Variants in IFT88 observed in about 807,000 individuals in gnomAD.
IFT88 encodes the protein intraflagellar transport 88, also known as intraflagellar transport protein 88 homolog.
In IFT88, 74 loss-of-function variants were observed where a neutral mutation model predicts 119.5. The observed-to-expected ratio is 0.62, with a 90% CI of 0.51 to 0.75. The LOEUF (loss-of-function observed/expected upper bound fraction) is 0.75, where lower values mean the gene tolerates loss of function less well. IFT88 is among the 30% of genes least tolerant of loss of function. The pLI is 0.00. For missense variants in IFT88, 961 were observed against 977.7 expected (o/e 0.98, Z 0.23); for synonymous variants, 279 against 316.7 (o/e 0.88, Z 1.26).
At chr13:20,578,088 A>C (rs2037796324) in intron 2 of IFT88, among the ~76,000 whole-genome samples, 1 of 117,586 alleles carries the variant, frequency 8.5e-6, no homozygotes, top group African/African-American at 3.3e-5. Context: ...TCTGTAGCCC[A>C]GGCTGGAGTG....
At chr13:20,682,158 A>G (rs1285079585) in intron 24 of IFT88, among the ~76,000 whole-genome samples, 5 of 152,220 alleles carry the variant, frequency 3.3e-5, no homozygotes, top group Admixed American at 2.6e-4. Context: ...GGGTTCTCCC[A>G]TTTCCTACCA....
chr13:20,689,785 G>T (rs1348088308), intron 24 of IFT88, among the ~76,000 whole-genome samples: 1 of 151,990 alleles, frequency 6.6e-6, no homozygotes, highest in Non-Finnish European at 1.5e-5. Flanking sequence ...TATCCCTAGA[G>T]CAATGTTTTT....
chr13:20,625,873 A>T (rs1278712652), intron 15 of IFT88, 24 bp downstream of exon 15: 10 of 1,261,276 alleles, frequency 7.9e-6, no homozygotes, highest in South Asian at 2.6e-5. Context: ...AAAATTTTAG[A>T]TGGAATTCCA....
intron 1 of IFT88, among the ~76,000 whole-genome samples, chr13:20,568,517 T>G (rs1170230669): frequency 6.6e-6 from 1 of 152,222 alleles, no homozygotes; most frequent in Non-Finnish European, 1.5e-5. Context: ...AGTTGCTTCC[T>G]TCTATAACTT....
intron 14 of IFT88, among the ~76,000 whole-genome samples, chr13:20,624,380 G>A (rs2046991200): frequency 2.0e-5 from 3 of 152,018 alleles, no homozygotes; most frequent in East Asian, 1.9e-4. Context: ...TCAGCTATCC[G>A]GAAGCTCCCC....
chr13:20,581,852 CAAAAA>C (rs10555158), intron 2 of IFT88, among the ~76,000 whole-genome samples: 7 of 121,276 alleles, frequency 5.8e-5, no homozygotes, highest in Non-Finnish European at 1.0e-4. Flanking sequence ...AACCCTGTCT[CAAAAA>C]AAAAAAAAAA....
At chr13:20,567,631 G>A in intron 1 of IFT88, 1 of 600,732 alleles carries the variant, frequency 1.7e-6, no homozygotes, top group Non-Finnish European at 2.2e-6. Context: ...GAATCGCACA[G>A]CAGAGATGGT....
intron 2 of IFT88, among the ~76,000 whole-genome samples, chr13:20,576,215 T>C (rs1281147584): frequency 8.1e-6 from 1 of 123,642 alleles, no homozygotes; most frequent in Non-Finnish European, 2.0e-5. Context: ...TTAAATCAGA[T>C]TATTAGATTT....
rs767708122 is a variant in IFT88 at position 20,601,668 on chromosome 13, C to T, written c.813-37C>T. The T allele has an allele frequency of 4.3e-6, 6 of 1,402,362 alleles. No homozygotes were observed. In the South Asian group the frequency reaches 6.2e-5, roughly 14 times the overall value. 86.9% of individuals were successfully genotyped at this position (1,402,362 alleles called of 1,614,324 possible). On this transcript the variant is annotated intron_variant, in intron 11 of 25. Transcript: ENST00000351808. The stretch of plus-strand genomic sequence containing the variant: ...GGTTTGAATGCCATACTAAAGAGTT[C>T]AGAATTTTAAAGCTAATCCATGTCT...
chr13:20,594,407 G>A (rs1056988863), intron 7 of IFT88, among the ~76,000 whole-genome samples: 12 of 152,264 alleles, frequency 7.9e-5, no homozygotes, highest in Admixed American at 3.9e-4. Flanking sequence ...TCAAATGCTC[G>A]TGGCTGAACC....
intron 19 of IFT88, among the ~76,000 whole-genome samples, chr13:20,644,516 ATAATAT>A (rs1477996161): frequency 6.6e-6 from 1 of 151,914 alleles, no homozygotes; most frequent in Non-Finnish European, 1.5e-5. Context: ...ATAATAATTA[ATAATAT>A]TAATAATAAA....
intron 24 of IFT88, among the ~76,000 whole-genome samples, chr13:20,672,293 C>T (rs2056020621): frequency 6.6e-6 from 1 of 152,154 alleles, no homozygotes; most frequent in African/African-American, 2.4e-5. Flanking sequence ...GTCAGTCCAG[C>T]GTCTCCAGCT....
intron 14 of IFT88, among the ~76,000 whole-genome samples, chr13:20,616,165 C>G (rs1208123016): frequency 6.6e-6 from 1 of 152,124 alleles, no homozygotes. Context: ...CTGAAAAATT[C>G]CTATCACTAG....
chr13:20,682,951 GACTATTAAAGGCCAATTTT>G (rs2141205684), intron 24 of IFT88, among the ~76,000 whole-genome samples: 1 of 152,268 alleles, frequency 6.6e-6, no homozygotes, highest in South Asian at 2.1e-4. Flanking sequence ...TTAAATCTAT[GACTATTAAAGGCCAATTTT>G]TAGGAATCAT....
rs780723603 is a variant in IFT88 at position 20,591,015 on chromosome 13, A to T, written c.259A>T (p.Ile87Phe). The T allele has an allele frequency of 6.2e-7, 1 of 1,608,074 alleles. No individual in the cohort carries two copies. Among genetic ancestry groups the T allele is most frequent in the African/African-American group, 1.3e-5 (1 of 74,736 alleles). Residue 87 changes from isoleucine to phenylalanine, a missense_variant, in exon 5 of 26, where the codon ATT becomes TTT. Transcript: ENST00000351808. ...AATAGGAAGACCAATGACAGGGGCT[A>T]TTCAGGTATCTCTATTGGATGCATG... The part of the protein sequence containing the change: ...SSIGRPMTGA[I>F]QDGVTRPMTA...
intron 22 of IFT88, among the ~76,000 whole-genome samples, chr13:20,660,256 C>T (rs1040553689): frequency 6.6e-6 from 1 of 152,070 alleles, no homozygotes; most frequent in African/African-American, 2.4e-5. Context: ...TAGACAGAAG[C>T]AAGCCATGAC....
At chr13:20,684,111 C>T (rs759480199) in intron 24 of IFT88, among the ~76,000 whole-genome samples, 2 of 152,174 alleles carry the variant, frequency 1.3e-5, no homozygotes, top group Non-Finnish European at 2.9e-5. Context: ...AAGGAAAAGG[C>T]TCAAATGTAG....
At chr13:20,670,722 C>T (rs1181333369) in intron 23 of IFT88, among the ~76,000 whole-genome samples, 1 of 151,678 alleles carries the variant, frequency 6.6e-6, no homozygotes, top group Non-Finnish European at 1.5e-5. Flanking sequence ...TTGTGTAAGC[C>T]AAGGTTACGC....
intron 14 of IFT88, among the ~76,000 whole-genome samples, chr13:20,619,822 C>T (rs7991142): frequency 0.43 from 65,226 of 151,842 alleles, 15,011 homozygotes; most frequent in Middle Eastern, 0.52. Context: ...AGTTCCTGTA[C>T]TTGTTTACAC....
Sources: gnomAD v4.1 joint callset for allele counts (sites outside exome capture counted in the v4.1 genomes callset) on GRCh38, gnomAD v4.1.1 for gene constraint, MANE v1.5 for transcripts, NCBI Gene and HGNC (gene_info 2026-07-23, HGNC 2026-07-21) for gene names.